The following CCDC7 variants were observed in gnomAD, a reference collection of about 807,000 sequenced individuals.
The protein encoded by CCDC7 is coiled-coil domain-containing protein 7.
A neutral mutation model predicts 196.9 loss-of-function variants in CCDC7; 183 were observed. That is an observed-to-expected ratio of 0.93 (90% CI 0.82 to 1.05). The LOEUF (loss-of-function observed/expected upper bound fraction) is 1.05, where lower values mean the gene tolerates loss of function less well. Among genes scored for constraint, CCDC7 ranks in the 50% least tolerant of loss-of-function variants. CCDC7 has a pLI of 0.00. For missense variants in CCDC7, 1,540 were observed against 1,482.2 expected (o/e 1.04, Z -0.64); for synonymous variants, 525 against 484.6 (o/e 1.08, Z -1.10).
chr10:32,462,818 C>G, intron 4 of CCDC7, 115 bp downstream of exon 5: 2 of 1,264,764 alleles, frequency 1.6e-6, no homozygotes, highest in Non-Finnish European at 2.2e-6. Context: ...ACTTGCTGCT[C>G]TATATATTTA....
At chr10:32,829,981 C>T (rs1007588463) in intron 32 of CCDC7, among the ~76,000 whole-genome samples, 2 of 150,990 alleles carry the variant, frequency 1.3e-5, no homozygotes, top group African/African-American at 2.4e-5. Context: ...AAACATTGGA[C>T]TCCAGGTTCT....
At chr10:32,744,869 A>G (rs1326873628) in intron 28 of CCDC7, among the ~76,000 whole-genome samples, 2 of 152,080 alleles carry the variant, frequency 1.3e-5, no homozygotes, top group Admixed American at 6.5e-5. Flanking sequence ...TGTCTTTCAT[A>G]TTTTGTCTAT....
chr10:32,569,600 A>G (rs186003952), intron 15 of CCDC7, among the ~76,000 whole-genome samples: 118 of 151,804 alleles, frequency 7.8e-4, no homozygotes, highest in Non-Finnish European at 1.3e-3. Context: ...CTAATTTTTT[A>G]TATTTTTAGT....
chr10:32,668,584 C>G (rs1029300146), intron 21 of CCDC7, among the ~76,000 whole-genome samples: 2 of 152,022 alleles, frequency 1.3e-5, no homozygotes, highest in East Asian at 3.9e-4. Flanking sequence ...GCATGAAGGG[C>G]TGTTGAATTT....
At position 32,685,937 on chromosome 10, in the gene CCDC7, A is replaced by G. The variant is rs1042795042; in HGVS notation, c.2123-33A>G. 4.3e-5 allele frequency: 53 copies of G among 1,241,298 alleles called. No homozygotes were observed. The Middle Eastern group carries it at 7.5e-4, about 18-fold the overall frequency. The allele number at this position is 1,241,298 out of a possible 1,614,324, so 76.9% of individuals were successfully genotyped here. On this transcript the variant is annotated intron_variant, in intron 21 of 41. Coordinates refer to ENST00000639629, the Ensembl canonical transcript of CCDC7. ...AATTTCACAAAAGATCCATTTTTCT[A>G]TTTAGTGGAATAAATGTATTTTCTT...
At chr10:32,731,221 G>C (rs541876664) in intron 28 of CCDC7, among the ~76,000 whole-genome samples, 1 of 152,160 alleles carries the variant, frequency 6.6e-6, no homozygotes, top group South Asian at 2.1e-4. Flanking sequence ...TTGACTAAAA[G>C]TCTATTTTGT....
At chr10:32,703,955 T>G (rs1422417123) in intron 24 of CCDC7, among the ~76,000 whole-genome samples, 1 of 152,090 alleles carries the variant, frequency 6.6e-6, no homozygotes, top group East Asian at 1.9e-4. Flanking sequence ...TTGCCATGGG[T>G]TAGAACTTCC....
intron 29 of CCDC7, among the ~76,000 whole-genome samples, chr10:32,783,946 G>A (rs1207181578): frequency 2.0e-5 from 3 of 152,132 alleles, no homozygotes; most frequent in Admixed American, 6.6e-5. Flanking sequence ...CCTACAATAA[G>A]TAGACAGAAA....
At chr10:32,630,058 GAA>G (rs2064635368) in intron 18 of CCDC7, among the ~76,000 whole-genome samples, 1 of 152,186 alleles carries the variant, frequency 6.6e-6, no homozygotes. Flanking sequence ...TTAGAAGCCA[GAA>G]CTGCAGGGAG....
At chr10:32,822,007 A>C (rs1018426474) in intron 31 of CCDC7, among the ~76,000 whole-genome samples, 1 of 152,180 alleles carries the variant, frequency 6.6e-6, no homozygotes, top group Non-Finnish European at 1.5e-5. Flanking sequence ...GCTGAAAAAA[A>C]AAAATCTACC....
downstream of CCDC7, among the ~76,000 whole-genome samples, chr10:32,879,141 G>C (rs1166333539): frequency 6.6e-6 from 1 of 151,784 alleles, no homozygotes; most frequent in Non-Finnish European, 1.5e-5. Context: ...GTGGTTTGCT[G>C]CACCCATCAA....
At chr10:32,759,749 C>A (rs2077118632) in intron 28 of CCDC7, among the ~76,000 whole-genome samples, 2 of 152,144 alleles carry the variant, frequency 1.3e-5, no homozygotes, top group Admixed American at 1.3e-4. Flanking sequence ...CAAATGGGAT[C>A]TAATTAAACT....
chr10:32,781,075 C>T (rs1056778422), intron 29 of CCDC7, among the ~76,000 whole-genome samples: 2 of 152,050 alleles, frequency 1.3e-5, no homozygotes, highest in African/African-American at 4.8e-5. Flanking sequence ...AGGAAATGAA[C>T]AAATTGTTAG....
chr10:32,867,958 AC>A (rs1205843226), intron 41 of CCDC7, among the ~76,000 whole-genome samples: 1 of 151,718 alleles, frequency 6.6e-6, no homozygotes, highest in African/African-American at 2.4e-5. Context: ...CCATCATTCT[AC>A]TTTTTGTCTC....
intron 18 of CCDC7, among the ~76,000 whole-genome samples, chr10:32,633,718 GTGTGTGTGTGTGTATATATA>G (rs1341549035): frequency 3.8e-4 from 55 of 143,616 alleles, no homozygotes; most frequent in African/African-American, 1.1e-3. Flanking sequence ...GTGTGTGTGT[GTGTGTGTGTGTGTATATATA>G]TGTGTGTGTG....
At chr10:32,508,833 A>G (rs2045618015) in intron 9 of CCDC7, among the ~76,000 whole-genome samples, 1 of 151,420 alleles carries the variant, frequency 6.6e-6, no homozygotes, top group South Asian at 2.1e-4. Flanking sequence ...GGGTTTTACC[A>G]TGTTGGCCAG....
chr10:32,835,039 C>T (rs2092494923), intron 33 of CCDC7, 141 bp downstream of exon 34: 3 of 485,400 alleles, frequency 6.2e-6, no homozygotes, highest in Admixed American at 4.2e-5. Context: ...ATTTGTGGAA[C>T]TCTAGTATTT....
chr10:32,845,790 C>CACAG lies in CCDC7; in HGVS notation c.3521-83_3521-82insGACA, dbSNP rs2093257568. The CACAG allele has an allele frequency of 2.6e-5, 28 of 1,063,508 alleles. No individual in the cohort carries two copies. In the Middle Eastern group the frequency reaches 9.2e-4, roughly 35 times the overall value. The allele number at this position is 1,063,508 out of a possible 1,614,324, so 65.9% of individuals were successfully genotyped here. On this transcript the variant is annotated intron_variant, in intron 35 of 41. Transcript: ENST00000639629. ...AATTACACACACACACACACACACA[C>CACAG]ACACATACACACACACACAGATACA...
chr10:32,704,172 G>A (rs1037083297), intron 24 of CCDC7, among the ~76,000 whole-genome samples: 4 of 152,026 alleles, frequency 2.6e-5, no homozygotes, highest in Admixed American at 1.3e-4. Flanking sequence ...GGATGGCGAC[G>A]TACAGATGGG....
Sources: gnomAD v4.1 joint callset for allele counts (sites outside exome capture counted in the v4.1 genomes callset) on GRCh38, gnomAD v4.1.1 for gene constraint, MANE v1.5 for transcripts, NCBI Gene and HGNC (gene_info 2026-07-23, HGNC 2026-07-21) for gene names.